The following MRC2 variants were observed in gnomAD, a reference collection of about 807,000 sequenced individuals.
MRC2 encodes the protein mannose receptor C-type 2.
Under a neutral mutation model 206.2 loss-of-function variants are expected in MRC2, and 84 were observed. That is an observed-to-expected ratio of 0.41 (90% CI 0.34 to 0.49). MRC2 has a LOEUF of 0.49. Ranked by LOEUF, MRC2 falls within the 20% of genes least tolerant of loss-of-function variation. The probability of loss-of-function intolerance (pLI) is 0.31; values close to 1 mark genes in which losing one functional copy is unlikely to be tolerated. For synonymous variants in MRC2, 798 were observed against 800.0 expected (o/e 1.00, Z 0.04); for missense variants, 1,676 against 2,001.5 (o/e 0.84, Z 3.10).
intron 1 of MRC2, among the ~76,000 whole-genome samples, chr17:62,630,882 T>G (rs2084210697): frequency 6.6e-6 from 1 of 152,118 alleles, no homozygotes; most frequent in African/African-American, 2.4e-5. Context: ...AACTTCTTAC[T>G]GTTCCCCCAC....
In MRC2 at chr17:62,667,265, A is replaced by T; in HGVS notation, c.974-125A>T. 7.8e-7 allele frequency: 1 copy of T among 1,282,530 alleles called. No homozygotes were observed. Among genetic ancestry groups the T allele is most frequent in the Non-Finnish European group, 1.1e-6 (1 of 951,290 alleles). 79.4% of individuals were successfully genotyped at this position (1,282,530 alleles called of 1,614,324 possible). On this transcript the variant is annotated intron_variant, in intron 5 of 29. Transcript: ENST00000303375. The surrounding 1 kb of genome is among the most constrained non-coding windows in gnomAD (Gnocchi z 4.1). ...TGGGGCGGAGCTGGAGCTGAGCACCAGGCTTCCCGAACTGGCTCAGGCTTC... is the reference window on the plus strand; with the variant it reads ...TGGGGCGGAGCTGGAGCTGAGCACCTGGCTTCCCGAACTGGCTCAGGCTTC...
intron 1 of MRC2, among the ~76,000 whole-genome samples, chr17:62,643,723 G>T (rs543421343): frequency 1.3e-5 from 2 of 152,252 alleles, no homozygotes; most frequent in African/African-American, 4.8e-5. Flanking sequence ...AGGAAAGATT[G>T]ATATAATAAT....
intron 6 of MRC2, among the ~76,000 whole-genome samples, chr17:62,668,514 G>A (rs2088786341): frequency 6.6e-6 from 1 of 152,082 alleles, no homozygotes; most frequent in Non-Finnish European, 1.5e-5. Context: ...ATCCCCGGAG[G>A]GCTTGTTAGA....
intron 1 of MRC2, among the ~76,000 whole-genome samples, chr17:62,659,628 A>G (rs559540157): frequency 3.9e-5 from 6 of 152,062 alleles, no homozygotes. Flanking sequence ...GAGCAGGTTC[A>G]AGGCAGGGGA....
rs370021810 is a variant in MRC2, at chr17:62,678,328, G to A, written c.2053-176G>A. On this transcript the variant is annotated intron_variant, in intron 12 of 29. Coordinates refer to ENST00000303375, the MANE Select transcript of MRC2 (RefSeq NM_006039.5). ...CAGGGGCCCTCTCCAGAAGGTGACT[G>A]TGCCAGCTCCCCTCCCCAGACCTCT... is the stretch of plus-strand genomic sequence containing the variant. Among the ~76,000 whole-genome samples the A allele has an allele frequency of 2.0e-4, 30 of 152,340 alleles. 1 individual carries two copies. Among genetic ancestry groups the A allele is most frequent in the East Asian group, 5.8e-4 (3 of 5,182 alleles).
intron 1 of MRC2, among the ~76,000 whole-genome samples, chr17:62,643,555 C>G (rs2147439845): frequency 6.6e-6 from 1 of 152,146 alleles, no homozygotes; most frequent in African/African-American, 2.4e-5. Flanking sequence ...GAGAAAAACG[C>G]AGGAACCTGC....
chr17:62,680,559 G>T lies in MRC2; in HGVS notation c.2473+106G>T. ...TGAAATGGAGGGGATGAGGAGTTCCGGTCGAGAGAAGGGGGACGGGGTTGG... is the reference window on the plus strand; with the variant it reads ...TGAAATGGAGGGGATGAGGAGTTCCTGTCGAGAGAAGGGGGACGGGGTTGG... On this transcript the variant is annotated intron_variant, in intron 16 of 29. Transcript: ENST00000303375. This position sits in a 1 kb window ranked among gnomAD's most constrained non-coding sequence, Gnocchi z 4.8. 1 of 1,497,426 alleles carries T rather than the reference G, an allele frequency of 6.7e-7. No individual in the cohort carries two copies. Among genetic ancestry groups the T allele is most frequent in the Non-Finnish European group, 9.2e-7 (1 of 1,088,714 alleles). 92.8% of individuals were successfully genotyped at this position (1,497,426 alleles called of 1,614,324 possible).
chr17:62,663,868 C>T (rs1282695212), intron 1 of MRC2, among the ~76,000 whole-genome samples: 1 of 151,656 alleles, frequency 6.6e-6, no homozygotes, highest in Non-Finnish European at 1.5e-5. Context: ...ATTGAGGTTG[C>T]AACGTGGTGT....
chr17:62,683,982 T>C (rs1468389560), intron 20 of MRC2: 1 of 152,204 alleles, frequency 6.6e-6, no homozygotes, highest in East Asian at 1.9e-4. Flanking sequence ...AAGGATGCTA[T>C]GCAAATTCCT....
At chr17:62,645,507 A>G (rs1256187734) in intron 1 of MRC2, among the ~76,000 whole-genome samples, 1 of 61,534 alleles carries the variant, frequency 1.6e-5, no homozygotes, top group African/African-American at 6.5e-5. Context: ...TTATATATAT[A>G]TATATATATA....
At chr17:62,651,956 G>C (rs1568054881) in intron 1 of MRC2, among the ~76,000 whole-genome samples, 1 of 151,714 alleles carries the variant, frequency 6.6e-6, no homozygotes, top group Middle Eastern at 3.4e-3. Flanking sequence ...TTTTGTTTGT[G>C]GGGGGGTATC....
At chr17:62,647,671 A>G (rs2088506844) in intron 1 of MRC2, among the ~76,000 whole-genome samples, 1 of 152,142 alleles carries the variant, frequency 6.6e-6, no homozygotes, top group Non-Finnish European at 1.5e-5. Context: ...CTGTGTGGCT[A>G]AATCTTTGTA....
chr17:62,689,970 CG>C lies in MRC2; in HGVS notation c.3656del (p.Gly1219AlafsTer5). Reference sequence around the variant, plus strand: ...TGGCAGGACGGGGAGCCGCAGCAGCCGGGGGGCTGTACCTACGTAGATGTGG... The same window carrying C: ...TGGCAGGACGGGGAGCCGCAGCAGCCGGGGGCTGTACCTACGTAGATGTGG... Reference protein sequence around the residue: ...VGWQDGEPQQPGGCTYVDVDG... With the variant: ...VGWQDGEPQQXGGCTYVDVDG... On this transcript the variant is annotated frameshift_variant, in exon 25 of 30. Coordinates refer to ENST00000303375, the MANE Select transcript of MRC2 (RefSeq NM_006039.5). LOFTEE classifies it high-confidence loss of function. 1 of 1,612,490 alleles carries C rather than the reference CG, an allele frequency of 6.2e-7. No homozygotes were observed. The highest frequency in any genetic ancestry group is 2.2e-5 in the East Asian group (1 of 44,854).
At chr17:62,683,047 A>C (rs776882310) in intron 20 of MRC2, among the ~76,000 whole-genome samples, 33 of 152,236 alleles carry the variant, frequency 2.2e-4, no homozygotes, top group Admixed American at 1.1e-3. Context: ...TAACTTATAT[A>C]TGTATATGTG....
intron 1 of MRC2, among the ~76,000 whole-genome samples, chr17:62,647,640 T>C (rs1215487390): frequency 6.6e-6 from 1 of 152,218 alleles, no homozygotes; most frequent in Non-Finnish European, 1.5e-5. Context: ...TGCTCCCCCA[T>C]CATTGCTATT....
chr17:62,645,523 A>ATT lies in MRC2; in HGVS notation c.118+17604_118+17605insTT, dbSNP rs1275675979. 5.2e-3 allele frequency among the ~76,000 whole-genome samples: 208 copies of ATT among 40,048 alleles called. 1 individual carries two copies. Among genetic ancestry groups the ATT allele is most frequent in the Middle Eastern group, 0.024 (1 of 42 alleles). The allele number at this position is 40,048 out of a possible 152,430, so 26.3% of individuals were successfully genotyped here. A position where few individuals can be genotyped will look rare whatever the true frequency, so the allele number is the denominator to read the frequency against. ...TATATATATATATATATATATATAT[A>ATT]TATATTTTTTTTTTTTTTTTTTTTT... On this transcript the variant is annotated intron_variant, in intron 1 of 29. Coordinates refer to ENST00000303375, the MANE Select transcript of MRC2 (RefSeq NM_006039.5).
intron 1 of MRC2, among the ~76,000 whole-genome samples, chr17:62,648,333 G>A (rs573548285): frequency 6.6e-6 from 1 of 152,374 alleles, no homozygotes; most frequent in African/African-American, 2.4e-5. Context: ...GAACCCGGGA[G>A]GCGGAGGTTG....
chr17:62,639,668 G>C (rs976452843), intron 1 of MRC2, among the ~76,000 whole-genome samples: 1 of 151,676 alleles, frequency 6.6e-6, no homozygotes, highest in Non-Finnish European at 1.5e-5. Flanking sequence ...TCTGTTGCCC[G>C]GGCTGGAGTG....
At position 62,680,705 on chromosome 17, in the gene MRC2, G is replaced by C; in HGVS notation, c.2474-95G>C. 7.3e-7 allele frequency: 1 copy of C among 1,374,242 alleles called. No individual in the cohort carries two copies. Among genetic ancestry groups the C allele is most frequent in the Non-Finnish European group, 9.4e-7 (1 of 1,059,418 alleles). The allele number at this position is 1,374,242 out of a possible 1,614,324, so 85.1% of individuals were successfully genotyped here. A position where few individuals can be genotyped will look rare whatever the true frequency, so the allele number is the denominator to read the frequency against. On this transcript the variant is annotated intron_variant, in intron 16 of 29. Transcript: ENST00000303375. This position sits in a 1 kb window ranked among gnomAD's most constrained non-coding sequence, Gnocchi z 4.8. ...TGTGCCTGCAGGCTCGCCTGCTGCCGCCTGGCTCTGCCCCGGCCCTGCCGC... is the reference window on the plus strand; with the variant it reads ...TGTGCCTGCAGGCTCGCCTGCTGCCCCCTGGCTCTGCCCCGGCCCTGCCGC...
Sources: allele counts gnomAD v4.1 joint callset (sites outside exome capture counted in the v4.1 genomes callset), GRCh38; gene constraint gnomAD v4.1.1; non-coding constraint Gnocchi (gnomAD v3.1); transcripts MANE v1.5; gene names NCBI Gene and HGNC (gene_info 2026-07-23, HGNC 2026-07-21).